The following EPM2A variants were observed in gnomAD, a reference collection of about 807,000 sequenced individuals.
EPM2A encodes the protein laforin.
In EPM2A, 21 loss-of-function variants were observed where a neutral mutation model predicts 26.5. The ratio of observed to expected loss-of-function variants is 0.79; its 90% CI spans 0.56 to 1.14. The LOEUF is 1.14. Among genes scored for constraint, EPM2A ranks in the 50% most tolerant of loss-of-function variants. The pLI is 0.00. For synonymous variants in EPM2A, 217 were observed against 177.6 expected (o/e 1.22, Z -1.76); for missense variants, 458 against 440.8 (o/e 1.04, Z -0.35).
intron 2 of EPM2A, among the ~76,000 whole-genome samples, chr6:145,515,072 G>T (rs1780106756): frequency 6.6e-6 from 1 of 152,170 alleles, no homozygotes; most frequent in Admixed American, 6.6e-5. Context: ...TTGATTCCCT[G>T]AAATAATTGT....
At chr6:145,629,774 C>T (rs1776108593) in intron 3 of EPM2A, 1 of 152,254 alleles carries the variant, frequency 6.6e-6, no homozygotes, top group Admixed American at 6.5e-5. Context: ...TACTATGTGC[C>T]TTGGCAGGAA....
At chr6:145,386,127 G>A (rs1192878172) in intron 4 of EPM2A, among the ~76,000 whole-genome samples, 1 of 152,016 alleles carries the variant, frequency 6.6e-6, no homozygotes, top group African/African-American at 2.4e-5. Context: ...TTAGGGAAAG[G>A]TGTAATCAAT....
intron 2 of EPM2A, among the ~76,000 whole-genome samples, 169 bp downstream of exon 2, chr6:145,685,950 GACC>G (rs1462888544): frequency 1.3e-5 from 2 of 152,214 alleles, no homozygotes; most frequent in Non-Finnish European, 2.9e-5. Flanking sequence ...TCCACATCTA[GACC>G]CAGAAAATCT....
chr6:145,473,044 T>C (rs1433375724), intron 4 of EPM2A, among the ~76,000 whole-genome samples: 1 of 151,638 alleles, frequency 6.6e-6, no homozygotes, highest in African/African-American at 2.4e-5. Context: ...CCCTACCAAA[T>C]GAATGAACCA....
chr6:145,413,002 T>G (rs1230737096), intron 4 of EPM2A, among the ~76,000 whole-genome samples: 3 of 152,160 alleles, frequency 2.0e-5, no homozygotes, highest in Non-Finnish European at 4.4e-5. Context: ...TCTATGGTAA[T>G]TTAGATATGG....
chr6:145,732,053 A>G (rs1776514586), intron 1 of EPM2A, among the ~76,000 whole-genome samples: 1 of 152,136 alleles, frequency 6.6e-6, no homozygotes, highest in Non-Finnish European at 1.5e-5. Flanking sequence ...GGGCTCAGAT[A>G]TTTTCTCTCT....
intron 2 of EPM2A, among the ~76,000 whole-genome samples, chr6:145,678,448 C>T (rs1780236532): frequency 6.6e-6 from 1 of 152,156 alleles, no homozygotes; most frequent in Admixed American, 6.5e-5. Flanking sequence ...GAACCTCCAT[C>T]AGAGTGAACA....
intron 2 of EPM2A, among the ~76,000 whole-genome samples, chr6:145,583,284 C>T (rs1781140689): frequency 6.6e-6 from 1 of 152,174 alleles, no homozygotes; most frequent in Non-Finnish European, 1.5e-5. Context: ...TTTGTGTGGG[C>T]TGATGTTCCC....
intron 2 of EPM2A, among the ~76,000 whole-genome samples, chr6:145,580,045 T>G (rs983835988): frequency 4.6e-5 from 7 of 152,146 alleles, no homozygotes; most frequent in African/African-American, 1.7e-4. Flanking sequence ...ATTCTTAAAA[T>G]TTTTTTAAAG....
At chr6:145,422,019 C>A (rs1778791179) in intron 4 of EPM2A, among the ~76,000 whole-genome samples, 1 of 141,938 alleles carries the variant, frequency 7.0e-6, no homozygotes, top group African/African-American at 2.6e-5. Flanking sequence ...TTTAAATCAC[C>A]TGTTAAAAAT....
At chr6:145,698,774 G>C (rs1562500282) in intron 1 of EPM2A, among the ~76,000 whole-genome samples, 1 of 152,042 alleles carries the variant, frequency 6.6e-6, no homozygotes, top group Non-Finnish European at 1.5e-5. Context: ...TTAAACATAG[G>C]ACCTTAATTA....
At chr6:145,528,095 G>A (rs973649328) in intron 2 of EPM2A, among the ~76,000 whole-genome samples, 1 of 152,156 alleles carries the variant, frequency 6.6e-6, no homozygotes, top group Admixed American at 6.5e-5. Flanking sequence ...GCTGCAAGCG[G>A]TGAGAAAGCT....
intron 2 of EPM2A, among the ~76,000 whole-genome samples, chr6:145,524,629 T>C (rs796459259): frequency 1.3e-5 from 2 of 152,142 alleles, no homozygotes; most frequent in Non-Finnish European, 2.9e-5. Flanking sequence ...AGATTACTTG[T>C]TTTTTGCTTG....
At position 145,718,088 on chromosome 6, in the gene EPM2A, T is replaced by G. The variant is rs1013677751; in HGVS notation, c.301+17110A>C. ...AATGCCATCCCCATCAGGCTACCAA[T>G]GACTTTCTTCACAGAATTGGAAAAA... On this transcript the variant is annotated intron_variant, in intron 1 of 3. Transcript: ENST00000367519. Among the ~76,000 whole-genome samples, 3 of 151,974 alleles carry G rather than the reference T, an allele frequency of 2.0e-5. No individual in the cohort carries two copies. In the South Asian group the frequency reaches 6.2e-4, roughly 32 times the overall value.
chr6:145,395,805 T>C (rs1778397837), intron 4 of EPM2A, among the ~76,000 whole-genome samples: 2 of 152,164 alleles, frequency 1.3e-5, no homozygotes, highest in Admixed American at 6.6e-5. Flanking sequence ...TTTTATCTGG[T>C]ACGCTGATGA....
intron 2 of EPM2A, among the ~76,000 whole-genome samples, chr6:145,616,645 A>G (rs1182348652): frequency 2.0e-5 from 3 of 152,224 alleles, no homozygotes; most frequent in Non-Finnish European, 4.4e-5. Flanking sequence ...GGGGGGCTAT[A>G]CCCTGCAAAG....
intron 4 of EPM2A, among the ~76,000 whole-genome samples, chr6:145,437,124 T>C (rs1381843599): frequency 6.6e-6 from 1 of 152,174 alleles, no homozygotes; most frequent in African/African-American, 2.4e-5. Context: ...GGGAGGTAAC[T>C]GGATCATGGG....
intron 2 of EPM2A, among the ~76,000 whole-genome samples, chr6:145,664,473 T>C (rs1354663080): frequency 7.2e-6 from 1 of 139,164 alleles, no homozygotes; most frequent in East Asian, 2.2e-4. Context: ...CTATCCTAAA[T>C]ATATATGCAC....
intron 2 of EPM2A, among the ~76,000 whole-genome samples, chr6:145,663,058 T>G (rs1375697874): frequency 1.3e-5 from 2 of 152,012 alleles, no homozygotes; most frequent in Non-Finnish European, 2.9e-5. Context: ...GCATGAGGAG[T>G]CATACCTAAT....
Sources: gnomAD v4.1 joint callset for allele counts (sites outside exome capture counted in the v4.1 genomes callset) on GRCh38, gnomAD v4.1.1 for gene constraint, MANE v1.5 for transcripts, NCBI Gene and HGNC (gene_info 2026-07-23, HGNC 2026-07-21) for gene names.